CPPED1: variants seen among roughly 807,000 people sequenced by gnomAD.
CPPED1 encodes the protein calcineurin like phosphoesterase domain containing 1.
Under a neutral mutation model 28.0 loss-of-function variants are expected in CPPED1, and 28 were observed. That is an observed-to-expected ratio of 1.00 (90% CI 0.74 to 1.37). The LOEUF (loss-of-function observed/expected upper bound fraction) is 1.37, where lower values mean the gene tolerates loss of function less well. Among genes scored for constraint, CPPED1 ranks in the 40% most tolerant of loss-of-function variants. The pLI is 0.00. For synonymous variants in CPPED1, 198 were observed against 180.2 expected (o/e 1.10, Z -0.79); for missense variants, 504 against 416.5 (o/e 1.21, Z -1.83).
At chr16:12,696,865 A>C (rs1627143) in intron 3 of CPPED1, among the ~76,000 whole-genome samples, 133,650 of 152,030 alleles carry the variant, frequency 0.88, 59,270 homozygotes, top group South Asian at 0.96. Context: ...TTAGTGGCTT[A>C]TCCCAAGCAA....
intron 2 of CPPED1, among the ~76,000 whole-genome samples, chr16:12,717,010 A>G (rs2098475193): frequency 6.6e-6 from 1 of 152,052 alleles, no homozygotes; most frequent in African/African-American, 2.4e-5. Context: ...ACCAAACATC[A>G]CAGGGCTTAG....
At chr16:12,735,601 G>A (rs1398696459) in intron 2 of CPPED1, among the ~76,000 whole-genome samples, 2 of 152,192 alleles carry the variant, frequency 1.3e-5, no homozygotes, top group East Asian at 1.9e-4. Context: ...ACCGTGCCTG[G>A]CACCCTAAAG....
In CPPED1 at chr16:12,705,006, C is replaced by T. The variant is rs199886762; in HGVS notation, c.333G>A (p.Val111=). The T allele has an allele frequency of 5.0e-4, 801 of 1,614,050 alleles. 1 individual carries two copies. Among genetic ancestry groups the T allele is most frequent in the Admixed American group, 7.8e-4 (47 of 60,028 alleles). ...GGATGGCCCTGTCCACTGCCCTAAG[C>T]ACTCGCTTCAGGTCCTCCGTCTGCT... ...RTEQTEDLKR[V]LRAVDRAIPL... Residue 111 remains valine (V), a synonymous_variant, in exon 3 of 4, where the codon GTG becomes GTA. Coordinates refer to ENST00000381774, the MANE Select transcript of CPPED1 (RefSeq NM_018340.3).
At chr16:12,730,152 A>G (rs532939428) in intron 2 of CPPED1, among the ~76,000 whole-genome samples, 38 of 152,146 alleles carry the variant, frequency 2.5e-4, no homozygotes, top group Non-Finnish European at 7.4e-5. Context: ...GTGAGCCACC[A>G]CGGCCAGCTA....
intron 2 of CPPED1, among the ~76,000 whole-genome samples, chr16:12,749,400 G>T (rs1232391253): frequency 6.6e-6 from 1 of 152,150 alleles, no homozygotes; most frequent in Non-Finnish European, 1.5e-5. Context: ...TTTTGATCAT[G>T]AGATTGCAAT....
intron 3 of CPPED1, among the ~76,000 whole-genome samples, chr16:12,668,563 T>C (rs2079837981): frequency 6.6e-6 from 1 of 152,178 alleles, no homozygotes; most frequent in Admixed American, 6.5e-5. Context: ...ACCCATGGAA[T>C]GGGCAAAAAT....
chr16:12,780,567 C>G (rs924111023), intron 2 of CPPED1, among the ~76,000 whole-genome samples: 2 of 152,086 alleles, frequency 1.3e-5, no homozygotes, highest in Non-Finnish European at 2.9e-5. Context: ...CCAGGAGCCA[C>G]TATCTAGAGA....
chr16:12,672,978 C>T (rs1359063887), intron 3 of CPPED1, among the ~76,000 whole-genome samples: 1 of 151,856 alleles, frequency 6.6e-6, no homozygotes, highest in Non-Finnish European at 1.5e-5. Context: ...TGTGCCACTG[C>T]ACTCCAGCCT....
rs915728897 is a variant in CPPED1 at position 12,664,716 on chromosome 16, G to A, written c.*170C>T. On this transcript the variant is annotated 3_prime_UTR_variant, in exon 4 of 4. Coordinates refer to ENST00000381774, the MANE Select transcript of CPPED1 (RefSeq NM_018340.3). The surrounding 1 kb of genome is among the most constrained non-coding windows in gnomAD (Gnocchi z 4.2). ...TTTAAAGGAAATGCAGTTCTATTTT[G>A]AATATAATTCAGGACAGGGCCCCAG... 44 of 1,454,708 alleles carry A rather than the reference G, an allele frequency of 3.0e-5. No homozygotes were observed. The highest frequency in any genetic ancestry group is 1.3e-4 in the Admixed American group (4 of 31,484). 90.1% of individuals were successfully genotyped at this position (1,454,708 alleles called of 1,614,324 possible).
At chr16:12,753,559 T>G (rs979271138) in intron 2 of CPPED1, among the ~76,000 whole-genome samples, 11 of 152,146 alleles carry the variant, frequency 7.2e-5, no homozygotes, top group African/African-American at 2.4e-4. Flanking sequence ...CTGATCTCCA[T>G]GCCTAGACCC....
intron 2 of CPPED1, among the ~76,000 whole-genome samples, chr16:12,758,893 T>C (rs1181475005): frequency 3.3e-5 from 5 of 151,968 alleles, no homozygotes; most frequent in Non-Finnish European, 5.9e-5. Flanking sequence ...CTGGGTGTGG[T>C]GGCTCATGCT....
At chr16:12,713,650 C>A (rs931668700) in intron 2 of CPPED1, among the ~76,000 whole-genome samples, 5 of 151,966 alleles carry the variant, frequency 3.3e-5, no homozygotes, top group African/African-American at 1.2e-4. Context: ...TGTGAGCCAC[C>A]ACACCTGGCT....
intron 2 of CPPED1, among the ~76,000 whole-genome samples, chr16:12,766,701 G>A (rs1447578272): frequency 1.3e-5 from 2 of 152,058 alleles, no homozygotes; most frequent in African/African-American, 2.4e-5. Flanking sequence ...CCAGGGGGGC[G>A]CAGGTTGCAG....
chr16:12,665,009 G>T lies in CPPED1; in HGVS notation c.822C>A (p.Asp274Glu), dbSNP rs200764803. ...CCACCACGACTCGGAGCCCGTGGGG[G>T]TCTCTGCCCAGCTGGCATCCAATGG... ...SSAIGCQLGR[D>E]PHGLRVVVVT... The change falls in exon 4 of 4, where the codon GAC becomes GAA. Residue 274 changes from aspartate (D) to glutamate (E), a missense_variant. By Grantham distance (45) the Asp-to-Glu change is conservative. Coordinates refer to ENST00000381774, the MANE Select transcript of CPPED1 (RefSeq NM_018340.3). 3 of 1,610,950 alleles carry T rather than the reference G, an allele frequency of 1.9e-6. No homozygotes were observed. The South Asian group carries it at 3.3e-5, about 18-fold the overall frequency.
At chr16:12,780,978 A>T in intron 2 of CPPED1, 1 of 581,544 alleles carries the variant, frequency 1.7e-6, no homozygotes, top group Admixed American at 3.0e-5. Flanking sequence ...AGCTGTGCCT[A>T]ATTACTGTGA....
chr16:12,704,718 C>CG lies in CPPED1; in HGVS notation c.620dup (p.Leu208AlafsTer90). On this transcript the variant is annotated frameshift_variant, in exon 3 of 4. Transcript: ENST00000381774. LOFTEE classifies it high-confidence loss of function. ...CCTCGTCGATGCTCTCCAGGAACAG[C>CG]GGGATGTGCTGGAAGACGATGGCAT... 1 of 1,614,208 alleles carries CG rather than the reference C, an allele frequency of 6.2e-7. No homozygotes were observed. The highest frequency in any genetic ancestry group is 8.5e-7 in the Non-Finnish European group (1 of 1,180,040).
chr16:12,704,680 T>C lies in CPPED1; in HGVS notation c.659A>G (p.Tyr220Cys). The C allele has an allele frequency of 6.2e-7, 1 of 1,614,140 alleles. No individual in the cohort carries two copies. ...CCGAGTGGACTTGCTGAGGTTGAAG[T>C]AGTAGTCGTCGTCCTCGTCGATGCT... Reference protein sequence around the residue: ...LESIDEDDDYYFNLSKSTRKK... With the variant: ...LESIDEDDDYCFNLSKSTRKK... The change falls in exon 3 of 4, where the codon TAC becomes TGC. Residue 220 changes from tyrosine to cysteine, a missense_variant. Physicochemically the swap from Tyr to Cys is radical, Grantham distance 194 (BLOSUM62 -2). Transcript: ENST00000381774.
chr16:12,737,005 C>T (rs868089780), intron 2 of CPPED1, among the ~76,000 whole-genome samples: 1 of 152,034 alleles, frequency 6.6e-6, no homozygotes, highest in African/African-American at 2.4e-5. Flanking sequence ...GCCTGGCTAA[C>T]ATGGTAAAAC....
chr16:12,803,887 C>CGGGGCGGGACG, upstream of CPPED1: 2 of 807,588 alleles, frequency 2.5e-6, no homozygotes, highest in Non-Finnish European at 3.6e-6. Context: ...CCTTTGATCT[C>CGGGGCGGGACG]GGGGCGGGAC....
Sources: gnomAD v4.1 joint callset for allele counts (sites outside exome capture counted in the v4.1 genomes callset) on GRCh38, gnomAD v4.1.1 for gene constraint, Gnocchi (gnomAD v3.1) non-coding constraint, MANE v1.5 for transcripts, NCBI Gene and HGNC (gene_info 2026-07-23, HGNC 2026-07-21) for gene names.